Variants in TPD52 observed in about 807,000 individuals in gnomAD.
TPD52 encodes the protein tumor protein D52.
TPD52 carries 17 observed loss-of-function variants against 31.3 expected under a neutral mutation model. The observed-to-expected ratio is 0.54, with a 90% CI of 0.37 to 0.82. The LOEUF is 0.82. Ranked by LOEUF, TPD52 falls within the 40% of genes least tolerant of loss-of-function variation. TPD52 has a pLI of 0.00. For synonymous variants in TPD52, 83 were observed against 89.6 expected, an observed-to-expected ratio of 0.93 and a Z score of 0.42; for missense variants, 212 against 240.1, an observed-to-expected ratio of 0.88 and a Z score of 0.77.
chr8:80,037,958 T>C lies in TPD52; in HGVS notation c.*158A>G. 1 of 976,546 alleles carries C rather than the reference T, an allele frequency of 1.0e-6. No individual in the cohort carries two copies. The highest frequency in any genetic ancestry group is 1.5e-6 in the Non-Finnish European group (1 of 675,650). 60.5% of individuals were successfully genotyped at this position (976,546 alleles called of 1,614,324 possible). A position where few individuals can be genotyped will look rare whatever the true frequency, so the allele number is the denominator to read the frequency against. On this transcript the variant is annotated 3_prime_UTR_variant, in exon 8 of 8. Transcript: ENST00000518937. ...TTCCCAAGAATAGAGGTGAAGATATTTTCATTTTGTTTAACCCACAAACTA... is the reference window on the plus strand; with the variant it reads ...TTCCCAAGAATAGAGGTGAAGATATCTTCATTTTGTTTAACCCACAAACTA...
At chr8:80,064,969 T>C (rs1056737251) in intron 1 of TPD52, 4 of 393,098 alleles carry the variant, frequency 1.0e-5, no homozygotes, top group Non-Finnish European at 1.5e-5. Flanking sequence ...TCCTTCCCAG[T>C]AACCCAGGGC....
chr8:80,067,572 A>T (rs1034271076), intron 1 of TPD52, among the ~76,000 whole-genome samples: 1 of 152,156 alleles, frequency 6.6e-6, no homozygotes, highest in East Asian at 1.9e-4. Context: ...CACCACTTAC[A>T]GATCAGGAAC....
At chr8:80,068,875 T>C (rs907715422) in intron 1 of TPD52, among the ~76,000 whole-genome samples, 4 of 152,238 alleles carry the variant, frequency 2.6e-5, no homozygotes, top group African/African-American at 4.8e-5. Flanking sequence ...CAGCCAGTCA[T>C]TGTGACATGG....
rs1368621487 is a variant in TPD52 at position 80,064,478 on chromosome 8, C to T, written c.135G>A (p.Lys45=). 1.9e-6 allele frequency: 3 copies of T among 1,611,662 alleles called. No homozygotes were observed. The highest frequency in any genetic ancestry group is 2.5e-6 in the Non-Finnish European group (3 of 1,177,982). ...EQEELRRELA[K]VEEEIQTLSQ... ...AGTTGCAAAAGGAATGGTTCTTTAC[C>T]TTTGCAAGTTCTCTTCTTAGCTCTT... The change falls in exon 2 of 8, where the codon AAG becomes AAA. Residue 45 remains lysine (K), a splice_region_variant and synonymous_variant. Transcript: ENST00000518937.
chr8:80,165,772 T>C (rs190325805), intron 1 of TPD52, among the ~76,000 whole-genome samples: 83 of 152,334 alleles, frequency 5.4e-4, no homozygotes, highest in African/African-American at 1.9e-3. Flanking sequence ...TCATTCCTCT[T>C]GTGAGGGTAA....
In TPD52 at chr8:80,042,666, T is replaced by C; in HGVS notation, c.458A>G (p.Asn153Ser). ...QHSISMPAMRNSPTFKSFEEK... is the reference protein window; with the variant it reads ...QHSISMPAMRSSPTFKSFEEK... ...TTCAAATGATTTAAAAGTTGGGGAGTTTCTATGGAGAGAAAAGAAAAACAA... is the reference window on the plus strand; with the variant it reads ...TTCAAATGATTTAAAAGTTGGGGAGCTTCTATGGAGAGAAAAGAAAAACAA... The change falls in exon 7 of 8, where the codon AAC becomes AGC. Residue 153 changes from asparagine (N) to serine (S), a missense_variant and splice_region_variant. Asn to Ser is a conservative substitution (Grantham distance 46). Transcript: ENST00000518937. 1.9e-6 allele frequency: 3 copies of C among 1,610,746 alleles called. No individual in the cohort carries two copies. The highest frequency in any genetic ancestry group is 1.1e-5 in the South Asian group (1 of 90,462).
At chr8:80,074,709 G>A (rs975413890) in intron 1 of TPD52, among the ~76,000 whole-genome samples, 6 of 152,186 alleles carry the variant, frequency 3.9e-5, no homozygotes, top group Non-Finnish European at 8.8e-5. Flanking sequence ...GACTTAAGGC[G>A]AGGGAGCATC....
intron 1 of TPD52, among the ~76,000 whole-genome samples, chr8:80,083,022 T>A (rs897725738): frequency 1.3e-5 from 2 of 152,096 alleles, no homozygotes; most frequent in Non-Finnish European, 2.9e-5. Flanking sequence ...ACAAGAAAAG[T>A]GAAATCTAGA....
chr8:80,127,457 C>A (rs1014891577), intron 1 of TPD52: 5 of 152,198 alleles, frequency 3.3e-5, no homozygotes, highest in Admixed American at 2.6e-4. Context: ...CATATCTTCA[C>A]AAATCTAATT....
intron 2 of TPD52, among the ~76,000 whole-genome samples, chr8:80,059,122 C>A (rs1162990579): frequency 6.6e-6 from 1 of 152,098 alleles, no homozygotes; most frequent in Non-Finnish European, 1.5e-5. Flanking sequence ...TTCCAACCAC[C>A]ACCATGAAAC....
At chr8:80,075,520 T>A (rs1439302063) in intron 1 of TPD52, among the ~76,000 whole-genome samples, 1 of 152,192 alleles carries the variant, frequency 6.6e-6, no homozygotes, top group Non-Finnish European at 1.5e-5. Context: ...AAACACAGTA[T>A]TTTCAAATGC....
chr8:80,126,666 A>G (rs1020112350), intron 1 of TPD52, among the ~76,000 whole-genome samples: 23 of 151,826 alleles, frequency 1.5e-4, no homozygotes, highest in African/African-American at 5.6e-4. Flanking sequence ...ATTTTTTGGT[A>G]AAGATGGGGT....
intron 1 of TPD52, 67 bp downstream of exon 1, chr8:80,171,358 G>C: frequency 6.3e-7 from 1 of 1,580,534 alleles, no homozygotes; most frequent in Non-Finnish European, 8.6e-7. Flanking sequence ...GCCCCGCGCC[G>C]AGCCAAAGCC....
At chr8:80,123,344 T>C (rs904067081) in intron 1 of TPD52, among the ~76,000 whole-genome samples, 3 of 151,442 alleles carry the variant, frequency 2.0e-5, no homozygotes, top group African/African-American at 7.3e-5. Flanking sequence ...AATGAGTGTA[T>C]GTAGAGGCTG....
chr8:80,049,081 A>G (rs982804577), intron 5 of TPD52, among the ~76,000 whole-genome samples: 1 of 152,190 alleles, frequency 6.6e-6, no homozygotes, highest in African/African-American at 2.4e-5. Context: ...AAGTCTAGTG[A>G]TATGTACTGA....
At position 80,037,017 on chromosome 8, in the gene TPD52, G is replaced by A. The variant is rs1442648032; in HGVS notation, c.*1099C>T. 2 of 152,536 alleles carry A rather than the reference G, an allele frequency of 1.3e-5. No homozygotes were observed. Among genetic ancestry groups the A allele is most frequent in the Non-Finnish European group, 2.9e-5 (2 of 67,992 alleles). The allele number at this position is 152,536 out of a possible 1,614,324, so 9.4% of individuals were successfully genotyped here. On this transcript the variant is annotated 3_prime_UTR_variant, in exon 8 of 8. Coordinates refer to ENST00000518937, the MANE Select transcript of TPD52 (RefSeq NM_001025253.3). ...CTGACATTCAGTTTTCAAAGTAGGA[G>A]ACAGGTTCTACAGTATCATTTTACA... is the stretch of plus-strand genomic sequence containing the variant.
At chr8:80,137,146 T>C (rs896894869) in intron 1 of TPD52, among the ~76,000 whole-genome samples, 3 of 152,174 alleles carry the variant, frequency 2.0e-5, no homozygotes, top group Non-Finnish European at 4.4e-5. Context: ...AGGTTGCTAT[T>C]AAAAAGAGTA....
At chr8:80,139,424 T>A (rs552835597) in intron 1 of TPD52, among the ~76,000 whole-genome samples, 3 of 151,700 alleles carry the variant, frequency 2.0e-5, no homozygotes, top group Non-Finnish European at 2.9e-5. Flanking sequence ...AAAAAAAAAA[T>A]TTTTTCAGAG....
chr8:80,052,795 G>T, intron 3 of TPD52: 1 of 433,636 alleles, frequency 2.3e-6, no homozygotes, highest in Non-Finnish European at 3.7e-6. Flanking sequence ...ACTACGACCT[G>T]AGAATCTTTT....
Sources: gnomAD v4.1 joint callset for allele counts (sites outside exome capture counted in the v4.1 genomes callset) on GRCh38, gnomAD v4.1.1 for gene constraint, MANE v1.5 for transcripts, NCBI Gene and HGNC (gene_info 2026-07-23, HGNC 2026-07-21) for gene names.